DNAJC22: variants seen among roughly 807,000 people sequenced by gnomAD.
DNAJC22 encodes dnaJ homolog subfamily C member 22.
A neutral mutation model predicts 22.2 loss-of-function variants in DNAJC22; 24 were observed. The observed-to-expected ratio is 1.08, with a 90% CI of 0.78 to 1.52. DNAJC22 has a LOEUF of 1.52. Among genes scored for constraint, DNAJC22 ranks in the 40% most tolerant of loss-of-function variants. The probability of loss-of-function intolerance (pLI) is 0.00; values close to 1 mark genes in which losing one functional copy is unlikely to be tolerated. For missense variants in DNAJC22, 434 were observed against 421.7 expected (o/e 1.03, Z -0.26); for synonymous variants, 160 against 167.4 (o/e 0.96, Z 0.34).
In DNAJC22 at chr12:49,347,410, C is replaced by T. The variant is rs1412330679; in HGVS notation, c.-711C>T. ...GGTGGGCCGGTGAGGCAAGCAAGCC[C>T]TGTGGGGGGTTGAGGACAGCTTGGG... is the stretch of plus-strand genomic sequence containing the variant. On this transcript the variant is annotated 5_prime_UTR_variant, in exon 1 of 4. Transcript: ENST00000549441. The T allele has an allele frequency of 1.3e-5, 2 of 152,446 alleles. No homozygotes were observed. Among genetic ancestry groups the T allele is most frequent in the African/African-American group, 4.8e-5 (2 of 41,456 alleles). The allele number at this position is 152,446 out of a possible 1,614,324, so 9.4% of individuals were successfully genotyped here.
chr12:49,347,067 A>G lies in DNAJC22; in HGVS notation c.-1054A>G, dbSNP rs1943709760. 1 of 152,280 alleles carries G rather than the reference A, an allele frequency of 6.6e-6. No individual in the cohort carries two copies. Among genetic ancestry groups the G allele is most frequent in the African/African-American group, 2.4e-5 (1 of 41,466 alleles). 9.4% of individuals were successfully genotyped at this position (152,280 alleles called of 1,614,324 possible). A position where few individuals can be genotyped will look rare whatever the true frequency, so the allele number is the denominator to read the frequency against. On this transcript the variant is annotated 5_prime_UTR_variant, in exon 1 of 4. Coordinates refer to ENST00000549441, the MANE Select transcript of DNAJC22 (RefSeq NM_001304944.2). ...GACCTCGGAGATCCACGAGATTGCC[A>G]GAGAAGGAAATTGAGGCCCAAGAAG...
rs1001793811 is a variant in DNAJC22, at chr12:49,352,762, A to G, written c.*1260A>G. ...GCAGCTACACTTTCTCCAAAAGGGA[A>G]CAAGCTACTGTGGAGTGGGGGGTAG... On this transcript the variant is annotated 3_prime_UTR_variant, in exon 4 of 4. Transcript: ENST00000549441. 2.0e-5 allele frequency: 3 copies of G among 152,192 alleles called. No individual in the cohort carries two copies. The highest frequency in any genetic ancestry group is 4.4e-5 in the Non-Finnish European group (3 of 68,034). The allele number at this position is 152,192 out of a possible 1,614,324, so 9.4% of individuals were successfully genotyped here.
At chr12:49,348,505 C>T (rs1270313652) in intron 2 of DNAJC22, among the ~76,000 whole-genome samples, 3 of 152,010 alleles carry the variant, frequency 2.0e-5, no homozygotes, top group Non-Finnish European at 4.4e-5. Flanking sequence ...CCAATGCAGC[C>T]CTGCCCCTCC....
chr12:49,350,399 C>T (rs1248277367), intron 3 of DNAJC22, among the ~76,000 whole-genome samples: 1 of 151,676 alleles, frequency 6.6e-6, no homozygotes, highest in Non-Finnish European at 1.5e-5. Context: ...TCTTGAGCTC[C>T]AAATAAGTGG....
Position 49,353,572 on chromosome 12 carries a change from A to G in DNAJC22, c.*2070A>G, listed in dbSNP as rs1240060945. 1 of 152,192 alleles carries G rather than the reference A, an allele frequency of 6.6e-6. No homozygotes were observed. Among genetic ancestry groups the G allele is most frequent in the East Asian group, 1.9e-4 (1 of 5,198 alleles). The allele number at this position is 152,192 out of a possible 1,614,324, so 9.4% of individuals were successfully genotyped here. On this transcript the variant is annotated 3_prime_UTR_variant, in exon 4 of 4. Coordinates refer to ENST00000549441, the MANE Select transcript of DNAJC22 (RefSeq NM_001304944.2). ...GAGATTGGGAGGATCACTTGAACCC[A>G]AAAGGTGGAGGCTGCAGTGAGCTGA...
chr12:49,350,514 T>G (rs1401734407), intron 3 of DNAJC22, among the ~76,000 whole-genome samples: 2 of 149,398 alleles, frequency 1.3e-5, no homozygotes, highest in Non-Finnish European at 3.0e-5. Context: ...TTTTTTTTTT[T>G]TGAGATGGAG....
intron 3 of DNAJC22, 115 bp downstream of exon 3, chr12:49,349,827 C>G: frequency 1.9e-6 from 3 of 1,541,532 alleles, no homozygotes; most frequent in Non-Finnish European, 2.6e-6. Context: ...CTTTGGATAT[C>G]TGTGTACAAT....
At chr12:49,348,700 A>C in intron 2 of DNAJC22, 66 bp from the exon 3 acceptor site, 9 of 855,054 alleles carry the variant, frequency 1.1e-5, no homozygotes, top group Non-Finnish European at 1.3e-5. Flanking sequence ...TTTATTGGAA[A>C]GAGAAATGGT....
At position 49,351,560 on chromosome 12, in the gene DNAJC22, A is replaced by G; in HGVS notation, c.*58A>G. 6.8e-7 allele frequency: 1 copy of G among 1,478,464 alleles called. No individual in the cohort carries two copies. Among genetic ancestry groups the G allele is most frequent in the Non-Finnish European group, 8.9e-7 (1 of 1,117,756 alleles). The allele number at this position is 1,478,464 out of a possible 1,614,324, so 91.6% of individuals were successfully genotyped here. A position where few individuals can be genotyped will look rare whatever the true frequency, so the allele number is the denominator to read the frequency against. On this transcript the variant is annotated 3_prime_UTR_variant, in exon 4 of 4. Coordinates refer to ENST00000549441, the MANE Select transcript of DNAJC22 (RefSeq NM_001304944.2). Reference sequence around the variant, plus strand: ...TAGCAGAGCTGGGCAACTTGTCCCAAATCTAGCTTTGCCCACGAATGGCAT... The same window carrying G: ...TAGCAGAGCTGGGCAACTTGTCCCAGATCTAGCTTTGCCCACGAATGGCAT...
At position 49,351,695 on chromosome 12, in the gene DNAJC22, A is replaced by T; in HGVS notation, c.*193A>T. 2.3e-6 allele frequency: 1 copy of T among 442,258 alleles called. No homozygotes were observed. The highest frequency in any genetic ancestry group is 3.8e-6 in the Non-Finnish European group (1 of 261,642). The allele number at this position is 442,258 out of a possible 1,614,324, so 27.4% of individuals were successfully genotyped here. A position where few individuals can be genotyped will look rare whatever the true frequency, so the allele number is the denominator to read the frequency against. On this transcript the variant is annotated 3_prime_UTR_variant, in exon 4 of 4. Coordinates refer to ENST00000549441, the MANE Select transcript of DNAJC22 (RefSeq NM_001304944.2). ...GGCAGATCACGAGGTCAGGAGTTCG[A>T]GACCAGCAGCCTGGCCAATATAGTG...
chr12:49,350,753 C>T (rs1943772847), intron 3 of DNAJC22, among the ~76,000 whole-genome samples: 1 of 152,128 alleles, frequency 6.6e-6, no homozygotes, highest in South Asian at 2.1e-4. Flanking sequence ...CCGCCTCGGC[C>T]TCCCAAAGTG....
chr12:49,348,125 A>G lies in DNAJC22; in HGVS notation c.-108+20A>G, dbSNP rs1874910. 0.097 allele frequency: 14,785 copies of G among 152,248 alleles called. 1,541 individuals are homozygous for G. The highest frequency in any genetic ancestry group is 0.26 in the African/African-American group (10,916 of 41,486). 9.4% of individuals were successfully genotyped at this position (152,248 alleles called of 1,614,324 possible). A position where few individuals can be genotyped will look rare whatever the true frequency, so the allele number is the denominator to read the frequency against. ...ACCCAGGTATGGCCACTTGATTTGG[A>G]AGTAGCGGGTGCTGGCTGGTGGTCG... On this transcript the variant is annotated intron_variant, in intron 2 of 3. Transcript: ENST00000549441.
chr12:49,349,184 C>T lies in DNAJC22; in HGVS notation c.312C>T (p.Asn104=), dbSNP rs1257031398. The T allele has an allele frequency of 1.2e-6, 2 of 1,614,072 alleles. No individual in the cohort carries two copies. Among genetic ancestry groups the T allele is most frequent in the East Asian group, 2.2e-5 (1 of 44,890 alleles). The change falls in exon 3 of 4, where the codon AAC becomes AAT. Residue 104 remains asparagine (N), a synonymous_variant. Transcript: ENST00000549441. ...VALISLSSMV[N]FYIVALPLAV... ...TGATTAGCCTTTCTTCCATGGTCAACTTCTATATTGTGGCCCTCCCACTGG... is the reference window on the plus strand; with the variant it reads ...TGATTAGCCTTTCTTCCATGGTCAATTTCTATATTGTGGCCCTCCCACTGG...
rs201032907 is a variant in DNAJC22 at position 49,351,546 on chromosome 12, G to A, written c.*44G>A. 8.4e-4 allele frequency: 1,250 copies of A among 1,488,470 alleles called. 5 individuals are homozygous for A. Among genetic ancestry groups the A allele is most frequent in the Middle Eastern group, 3.6e-3 (14 of 3,916 alleles). The allele number at this position is 1,488,470 out of a possible 1,614,324, so 92.2% of individuals were successfully genotyped here. ...GGACTGACTCTTCCTAGCAGAGCTG[G>A]GCAACTTGTCCCAAATCTAGCTTTG... On this transcript the variant is annotated 3_prime_UTR_variant, in exon 4 of 4. Coordinates refer to ENST00000549441, the MANE Select transcript of DNAJC22 (RefSeq NM_001304944.2).
rs1943782940 is a variant in DNAJC22, at chr12:49,351,382, G to T, written c.906G>T (p.Lys302Asn). ...EIHRSYQELV[K>N]VWHPDHNLDQ... ...ATCGGAGTTACCAGGAGCTAGTGAA[G>T]GTCTGGCACCCAGACCACAACCTGG... is the stretch of plus-strand genomic sequence containing the variant. The change falls in exon 4 of 4, where the codon AAG becomes AAT. Residue 302 changes from lysine to asparagine, a missense_variant. By Grantham distance (94) the Lys-to-Asn change is moderately conservative. Coordinates refer to ENST00000549441, the MANE Select transcript of DNAJC22 (RefSeq NM_001304944.2). 1 of 1,613,650 alleles carries T rather than the reference G, an allele frequency of 6.2e-7. No individual in the cohort carries two copies. Among genetic ancestry groups the T allele is most frequent in the Non-Finnish European group, 8.5e-7 (1 of 1,179,756 alleles).
In DNAJC22 at chr12:49,349,605, C is replaced by G. The variant is rs1484751910; in HGVS notation, c.733C>G (p.Leu245Val). Reference sequence around the variant, plus strand: ...CCTTCTGCCTTACCGGATCTGGAGGCTACTGATGGGGGAGACTGGCTTCAA... The same window carrying G: ...CCTTCTGCCTTACCGGATCTGGAGGGTACTGATGGGGGAGACTGGCTTCAA... Reference protein sequence around the residue: ...VLLLPYRIWRLLMGETGFNSS... With the variant: ...VLLLPYRIWRVLMGETGFNSS... Residue 245 changes from leucine (L) to valine (V), a missense_variant, in exon 3 of 4, where the codon CTA (leucine) becomes GTA (valine). Leu to Val is a conservative substitution (Grantham distance 32). Coordinates refer to ENST00000549441, the MANE Select transcript of DNAJC22 (RefSeq NM_001304944.2). 1 of 1,614,252 alleles carries G rather than the reference C, an allele frequency of 6.2e-7. No individual in the cohort carries two copies. Among genetic ancestry groups the G allele is most frequent in the Non-Finnish European group, 8.5e-7 (1 of 1,180,044 alleles).
Position 49,348,931 on chromosome 12 carries a change from T to C in DNAJC22, c.59T>C (p.Leu20Pro), listed in dbSNP as rs2137092024. ...ALWAVGGPAGLHHLYLGRDSH... is the reference protein window; with the variant it reads ...ALWAVGGPAGPHHLYLGRDSH... Reference sequence around the variant, plus strand: ...TGGGCTGTGGGGGGCCCTGCTGGGCTCCACCACCTGTACCTGGGAAGGGAC... The same window carrying C: ...TGGGCTGTGGGGGGCCCTGCTGGGCCCCACCACCTGTACCTGGGAAGGGAC... Residue 20 changes from leucine to proline, a missense_variant, in exon 3 of 4, where the codon CTC becomes CCC. By Grantham distance (98) the Leu-to-Pro change is moderately conservative. Transcript: ENST00000549441. 6.6e-7 allele frequency: 1 copy of C among 1,522,486 alleles called. No individual in the cohort carries two copies. The highest frequency in any genetic ancestry group is 1.8e-4 in the Middle Eastern group (1 of 5,602). The allele number at this position is 1,522,486 out of a possible 1,614,324, so 94.3% of individuals were successfully genotyped here.
chr12:49,348,901 C>A lies in DNAJC22; in HGVS notation c.29C>A (p.Ala10Asp), dbSNP rs774831518. The change falls in exon 3 of 4, where the codon GCC becomes GAC. Residue 10 changes from alanine to aspartate, a missense_variant. Ala to Asp is a moderately radical substitution (Grantham distance 126). Coordinates refer to ENST00000549441, the MANE Select transcript of DNAJC22 (RefSeq NM_001304944.2). Reference sequence around the variant, plus strand: ...GCCAAGGGGCTCCTGGTGACCTATGCCCTCTGGGCTGTGGGGGGCCCTGCT... The same window carrying A: ...GCCAAGGGGCTCCTGGTGACCTATGACCTCTGGGCTGTGGGGGGCCCTGCT... MAKGLLVTY[A>D]LWAVGGPAGL... 13 of 1,512,060 alleles carry A rather than the reference C, an allele frequency of 8.6e-6. No individual in the cohort carries two copies. Among genetic ancestry groups the A allele is most frequent in the Non-Finnish European group, 8.8e-7 (1 of 1,132,282 alleles). 93.7% of individuals were successfully genotyped at this position (1,512,060 alleles called of 1,614,324 possible).
chr12:49,351,205 G>A, intron 3 of DNAJC22, 112 bp from the exon 4 acceptor site: 1 of 1,550,862 alleles, frequency 6.4e-7, no homozygotes, highest in East Asian at 2.4e-5. Context: ...CCACGGGCAA[G>A]TAGAAGCCAA....
Sources: gnomAD v4.1 joint callset for allele counts (sites outside exome capture counted in the v4.1 genomes callset) on GRCh38, gnomAD v4.1.1 for gene constraint, MANE v1.5 for transcripts, NCBI Gene and HGNC (gene_info 2026-07-23, HGNC 2026-07-21) for gene names.